SKAP1: variants seen among roughly 807,000 people sequenced by gnomAD.
The protein encoded by SKAP1 is src kinase associated phosphoprotein 1.
In SKAP1, 44 loss-of-function variants were observed where a neutral mutation model predicts 58.5. That is an observed-to-expected ratio of 0.75 (90% confidence interval 0.59 to 0.97). The LOEUF is 0.97. Among genes scored for constraint, SKAP1 ranks in the 50% least tolerant of loss-of-function variants. SKAP1 has a pLI of 0.00. For synonymous variants in SKAP1, 127 were observed against 149.7 expected (o/e 0.85, Z 1.11); for missense variants, 390 against 435.2 (o/e 0.90, Z 0.92).
intron 4 of SKAP1, among the ~76,000 whole-genome samples, chr17:48,281,413 G>A (rs1321964892): frequency 6.6e-6 from 1 of 152,176 alleles, no homozygotes; most frequent in African/African-American, 2.4e-5. Flanking sequence ...TCCCTGATGG[G>A]GTTCTTCTCA....
At chr17:48,157,781 G>A (rs1261961856) in intron 11 of SKAP1, among the ~76,000 whole-genome samples, 2 of 151,646 alleles carry the variant, frequency 1.3e-5, no homozygotes, top group East Asian at 2.0e-4. Context: ...TGCCAGCCTC[G>A]GCCTCCCAAA....
intron 4 of SKAP1, among the ~76,000 whole-genome samples, chr17:48,261,180 T>C (rs946247247): frequency 2.0e-5 from 3 of 152,176 alleles, no homozygotes; most frequent in African/African-American, 4.8e-5. Flanking sequence ...TCTGATGCCA[T>C]GCTCTGCAAG....
At chr17:48,162,677 C>A (rs578130734) in intron 10 of SKAP1, 108 bp from the exon 11 acceptor site, 3 of 732,498 alleles carry the variant, frequency 4.1e-6, no homozygotes, top group East Asian at 5.4e-5. Flanking sequence ...CCCTAGGAAA[C>A]CTCAGATTAA....
intron 11 of SKAP1, among the ~76,000 whole-genome samples, chr17:48,154,013 T>C (rs1488971653): frequency 6.6e-6 from 1 of 152,210 alleles, no homozygotes; most frequent in Non-Finnish European, 1.5e-5. Flanking sequence ...AGAGGAAGTA[T>C]TGCTGCATTA....
chr17:48,360,152 A>G (rs1247105652), intron 3 of SKAP1, among the ~76,000 whole-genome samples: 2 of 152,120 alleles, frequency 1.3e-5, no homozygotes, highest in African/African-American at 4.8e-5. Flanking sequence ...TAAAAAAAAG[A>G]TATTATTCTA....
chr17:48,343,748 T>C (rs911481356), intron 4 of SKAP1, among the ~76,000 whole-genome samples: 2 of 152,202 alleles, frequency 1.3e-5, no homozygotes, highest in African/African-American at 4.8e-5. Context: ...TGTATGGTCT[T>C]AGCCAAAATG....
At chr17:48,135,164 T>C (rs935925152) in intron 12 of SKAP1, among the ~76,000 whole-genome samples, 2 of 152,238 alleles carry the variant, frequency 1.3e-5, no homozygotes, top group Admixed American at 6.5e-5. Flanking sequence ...TCTATCCTTA[T>C]GTATTTTCCT....
At chr17:48,143,944 C>A (rs758367094) in intron 11 of SKAP1, among the ~76,000 whole-genome samples, 1 of 152,154 alleles carries the variant, frequency 6.6e-6, no homozygotes, top group Non-Finnish European at 1.5e-5. Context: ...GAAGAGGGTG[C>A]GAACAGGAAG....
intron 4 of SKAP1, among the ~76,000 whole-genome samples, chr17:48,217,346 T>C (rs2064952837): frequency 6.6e-6 from 1 of 152,146 alleles, no homozygotes; most frequent in South Asian, 2.1e-4. Flanking sequence ...TCTGAATAGA[T>C]TTCCAGTAGG....
intron 4 of SKAP1, among the ~76,000 whole-genome samples, chr17:48,190,240 G>A (rs1334846484): frequency 6.6e-6 from 1 of 151,510 alleles, no homozygotes; most frequent in Non-Finnish European, 1.5e-5. Context: ...CCAAGTAGGT[G>A]AGACTACAGG....
At chr17:48,411,930 C>T (rs1418487259) in intron 1 of SKAP1, among the ~76,000 whole-genome samples, 1 of 152,064 alleles carries the variant, frequency 6.6e-6, no homozygotes, top group Non-Finnish European at 1.5e-5. Context: ...GATCCTGGAA[C>T]AGTAAAAGAA....
chr17:48,383,065 C>G (rs1269685910), intron 2 of SKAP1, among the ~76,000 whole-genome samples: 1 of 152,212 alleles, frequency 6.6e-6, no homozygotes, highest in Non-Finnish European at 1.5e-5. Flanking sequence ...GTCTTGATCA[C>G]CTGGCATAGT....
At chr17:48,418,775 A>C (rs1214931848) in intron 1 of SKAP1, among the ~76,000 whole-genome samples, 1 of 152,240 alleles carries the variant, frequency 6.6e-6, no homozygotes, top group East Asian at 1.9e-4. Context: ...AAAAGGAACA[A>C]ACCAATACAC....
chr17:48,252,272 A>C (rs993531962), intron 4 of SKAP1, among the ~76,000 whole-genome samples: 2 of 152,200 alleles, frequency 1.3e-5, no homozygotes, highest in African/African-American at 4.8e-5. Context: ...TAAAGAGAAG[A>C]GCACACACAT....
At position 48,244,590 on chromosome 17, in the gene SKAP1, G is replaced by A. The variant is rs76471372; in HGVS notation, c.281-55090C>T. 8.0e-5 allele frequency among the ~76,000 whole-genome samples: 12 copies of A among 149,398 alleles called. No homozygotes were observed. The East Asian group carries it at 2.4e-3, about 30-fold the overall frequency. Reference sequence around the variant, plus strand: ...CCAAGCAAGTTTACTTCCTGTTAAAGGTTCCTTTCAGCAAACATTAACAAA... The same window carrying A: ...CCAAGCAAGTTTACTTCCTGTTAAAAGTTCCTTTCAGCAAACATTAACAAA... On this transcript the variant is annotated intron_variant, in intron 4 of 12. Transcript: ENST00000336915.
intron 3 of SKAP1, among the ~76,000 whole-genome samples, chr17:48,358,895 C>G (rs1450625018): frequency 6.6e-6 from 1 of 152,106 alleles, no homozygotes; most frequent in East Asian, 1.9e-4. Context: ...TTTGCCGTAG[C>G]TAACAAAGTT....
At position 48,307,965 on chromosome 17, in the gene SKAP1, G is replaced by C. The variant is rs530566353; in HGVS notation, c.280+37940C>G. The C allele has an allele frequency of 1.3e-4, 20 of 152,220 alleles. No individual in the cohort carries two copies. In the East Asian group the frequency reaches 2.1e-3, roughly 16 times the overall value. 9.4% of individuals were successfully genotyped at this position (152,220 alleles called of 1,614,324 possible). On this transcript the variant is annotated intron_variant, in intron 4 of 12. Transcript: ENST00000336915. ...TCCATTCCTTTCTACTTTGAACATA[G>C]CAAGTCCTGGAGGCTGCTGGGTCGT... is the stretch of plus-strand genomic sequence containing the variant.
chr17:48,228,508 A>G (rs1240438276), intron 4 of SKAP1, among the ~76,000 whole-genome samples: 1 of 152,228 alleles, frequency 6.6e-6, no homozygotes, highest in Non-Finnish European at 1.5e-5. Flanking sequence ...CCCAATAGAT[A>G]GCAAAGGTGG....
At chr17:48,328,835 C>T (rs1005991339) in intron 4 of SKAP1, among the ~76,000 whole-genome samples, 3 of 152,150 alleles carry the variant, frequency 2.0e-5, no homozygotes, top group African/African-American at 7.2e-5. Flanking sequence ...TTCCTTTCTA[C>T]TTTCCCTCGC....
Sources: gnomAD v4.1 joint callset for allele counts (sites outside exome capture counted in the v4.1 genomes callset) on GRCh38, gnomAD v4.1.1 for gene constraint, MANE v1.5 for transcripts, NCBI Gene and HGNC (gene_info 2026-07-23, HGNC 2026-07-21) for gene names.